SLC8A2: variants seen among roughly 807,000 people sequenced by gnomAD.
SLC8A2 encodes sodium/calcium exchanger 2.
A neutral mutation model predicts 70.2 loss-of-function variants in SLC8A2; 14 were observed. The observed-to-expected ratio is 0.20, with a 90% confidence interval of 0.13 to 0.31. The LOEUF (loss-of-function observed/expected upper bound fraction) is 0.31. SLC8A2 is among the 10% of genes least tolerant of loss of function. The probability of loss-of-function intolerance (pLI) is 1.00; values close to 1 mark genes in which losing one functional copy is unlikely to be tolerated. For synonymous variants in SLC8A2, 575 were observed against 594.3 expected (o/e 0.97, Z 0.47); for missense variants, 779 against 1,320.1 (o/e 0.59, Z 6.35).
chr19:47,457,647 C>A (rs372987382), intron 2 of SLC8A2, 53 bp from the exon 3 acceptor site: 2 of 1,244,938 alleles, frequency 1.6e-6, no homozygotes, highest in East Asian at 5.3e-5. Context: ...TCTCCCTCCC[C>A]GCCTCTCTGT....
intron 3 of SLC8A2, among the ~76,000 whole-genome samples, chr19:47,450,554 T>C (rs1967221790): frequency 6.6e-6 from 1 of 151,934 alleles, no homozygotes; most frequent in South Asian, 2.1e-4. Context: ...CAGGCTCCAG[T>C]TTTCCAGCTC....
intron 3 of SLC8A2, among the ~76,000 whole-genome samples, chr19:47,452,445 A>AGAGAGAGAGAGGGT (rs1568444583): frequency 1.8e-5 from 1 of 54,060 alleles, no homozygotes; most frequent in Non-Finnish European, 3.2e-5. Flanking sequence ...AGAGAGAGAG[A>AGAGAGAGAGAGGGT]GTGTGTGTGT....
intron 2 of SLC8A2, among the ~76,000 whole-genome samples, chr19:47,461,220 C>T (rs548017624): frequency 6.1e-5 from 9 of 147,742 alleles, no homozygotes; most frequent in Admixed American, 2.0e-4. Context: ...ATGACAAGGC[C>T]CCCGAAGGCC....
chr19:47,446,992 T>A lies in SLC8A2; in HGVS notation c.1763+817A>T, dbSNP rs576685250. On this transcript the variant is annotated intron_variant, in intron 4 of 9. Coordinates refer to ENST00000236877, the MANE Select transcript of SLC8A2 (RefSeq NM_015063.3). ...ATCCCAGCCCTCAGGCTCCCCAGTG[T>A]CTCCCCAGGCCCTGCCCTGCCTTCC... is the stretch of plus-strand genomic sequence containing the variant. Among the ~76,000 whole-genome samples the A allele has an allele frequency of 1.3e-4, 20 of 152,018 alleles. No homozygotes were observed. In the East Asian group the frequency reaches 3.7e-3, roughly 28 times the overall value.
At chr19:47,446,932 C>T (rs1353511588) in intron 4 of SLC8A2, among the ~76,000 whole-genome samples, 1 of 152,034 alleles carries the variant, frequency 6.6e-6, no homozygotes, top group Non-Finnish European at 1.5e-5. Flanking sequence ...TGAGTGTATC[C>T]AGCCAGCCCA....
chr19:47,437,731 T>C lies in SLC8A2; in HGVS notation c.2010+118A>G, dbSNP rs1240202077. 3 of 1,312,498 alleles carry C rather than the reference T, an allele frequency of 2.3e-6. No homozygotes were observed. The East Asian group carries it at 6.9e-5, about 30-fold the overall frequency. The allele number at this position is 1,312,498 out of a possible 1,614,324, so 81.3% of individuals were successfully genotyped here. ...GGGAGGCATGTGCTGTCCGTGGTCC[T>C]GACGTGGGACCCTTCTTTGGCTTGA... On this transcript the variant is annotated intron_variant, in intron 7 of 9. Coordinates refer to ENST00000236877, the MANE Select transcript of SLC8A2 (RefSeq NM_015063.3).
intron 2 of SLC8A2, among the ~76,000 whole-genome samples, chr19:47,460,330 C>T (rs1427785291): frequency 6.6e-6 from 1 of 152,220 alleles, no homozygotes; most frequent in Non-Finnish European, 1.5e-5. Context: ...ATTTCCAAGA[C>T]TGAATGAGCA....
chr19:47,454,313 G>C (rs1488137523), intron 3 of SLC8A2, among the ~76,000 whole-genome samples: 2 of 152,182 alleles, frequency 1.3e-5, no homozygotes, highest in Admixed American at 1.3e-4. Flanking sequence ...TGAAAAGATA[G>C]TTGAAAGCAG....
intron 7 of SLC8A2, 106 bp downstream of exon 7, chr19:47,437,743 C>T: frequency 2.1e-6 from 3 of 1,404,010 alleles, no homozygotes. Flanking sequence ...ACGTGGGACC[C>T]TTCTTTGGCT....
Position 47,465,993 on chromosome 19 carries a change from G to A in SLC8A2, c.411C>T (p.Gly137=), listed in dbSNP as rs759756222. The change falls in exon 2 of 10, where the codon GGC becomes GGT. Residue 137 remains glycine (G), a synonymous_variant. Coordinates refer to ENST00000236877, the MANE Select transcript of SLC8A2 (RefSeq NM_015063.3). This position sits in a 1 kb window ranked among gnomAD's most constrained non-coding sequence, Gnocchi z 5.5. ...TVSNLTLMAL[G]SSAPEILLSV... Reference sequence around the variant, plus strand: ...ACAGCAGGATCTCAGGTGCGGAGGAGCCCAGGGCCATGAGCGTGAGGTTGG... The same window carrying A: ...ACAGCAGGATCTCAGGTGCGGAGGAACCCAGGGCCATGAGCGTGAGGTTGG... 12 of 1,614,128 alleles carry A rather than the reference G, an allele frequency of 7.4e-6. No individual in the cohort carries two copies. Among genetic ancestry groups the A allele is most frequent in the Non-Finnish European group, 1.0e-5 (12 of 1,180,010 alleles).
At chr19:47,438,040 C>T in intron 6 of SLC8A2, 67 bp from the exon 7 acceptor site, 1 of 1,589,148 alleles carries the variant, frequency 6.3e-7, no homozygotes, top group Non-Finnish European at 8.6e-7. Context: ...GACGCCTTTA[C>T]TACCTGTCCC....
At chr19:47,439,603 C>G (rs1599846591) in intron 6 of SLC8A2, among the ~76,000 whole-genome samples, 1 of 68,548 alleles carries the variant, frequency 1.5e-5, no homozygotes, top group Non-Finnish European at 2.6e-5. Flanking sequence ...TCTCTTCTCC[C>G]TCCTTCCTTC....
In SLC8A2 at chr19:47,432,534, G is replaced by T; in HGVS notation, c.2111-89C>A. ...ATTTTGTCTAACTTCCTGACAGCAA[G>T]TCCCATTGAATGAACTTCTTTCCCA... On this transcript the variant is annotated intron_variant, in intron 8 of 9. Transcript: ENST00000236877. This position sits in a 1 kb window ranked among gnomAD's most constrained non-coding sequence, Gnocchi z 6.2. 1.5e-6 allele frequency: 2 copies of T among 1,324,586 alleles called. No individual in the cohort carries two copies. The highest frequency in any genetic ancestry group is 2.0e-6 in the Non-Finnish European group (2 of 976,232). 82.1% of individuals were successfully genotyped at this position (1,324,586 alleles called of 1,614,324 possible). A position where few individuals can be genotyped will look rare whatever the true frequency, so the allele number is the denominator to read the frequency against.
Position 47,432,425 on chromosome 19 carries a change from C to T in SLC8A2, c.2131G>A (p.Asp711Asn). ...GGCAGCCGCTCCTCCCGGGACCCGT[C>T]CTCCTCCTCCTCCTCGTCCCCTGTG... Reference protein sequence around the residue: ...VSAGDEEEEEDGSREERLPSC... With the variant: ...VSAGDEEEEENGSREERLPSC... The change falls in exon 9 of 10, where the codon GAC becomes AAC. Residue 711 changes from aspartate (D) to asparagine (N), a missense_variant. Physicochemically the swap from Asp to Asn is conservative, Grantham distance 23. Transcript: ENST00000236877. This position sits in a 1 kb window ranked among gnomAD's most constrained non-coding sequence, Gnocchi z 6.2. 7.3e-7 allele frequency: 1 copy of T among 1,379,164 alleles called. No homozygotes were observed. Among genetic ancestry groups the T allele is most frequent in the Non-Finnish European group, 9.8e-7 (1 of 1,024,250 alleles). 85.4% of individuals were successfully genotyped at this position (1,379,164 alleles called of 1,614,324 possible).
chr19:47,430,398 G>C lies in SLC8A2; in HGVS notation c.2457C>G (p.Thr819=). The change falls in exon 10 of 10, where the codon ACC becomes ACG. Residue 819 remains threonine (T), a synonymous_variant. Transcript: ENST00000236877. This position sits in a 1 kb window ranked among gnomAD's most constrained non-coding sequence, Gnocchi z 5.9. Reference sequence around the variant, plus strand: ...GGAACACGTTCACCGCGTTGGAGCCGGTCACGTTGCCGATGGACGCGTCGG... The same window carrying C: ...GGAACACGTTCACCGCGTTGGAGCCCGTCACGTTGCCGATGGACGCGTCGG... ...QCADASIGNV[T]GSNAVNVFLG... is the part of the protein sequence containing the mutation. 1 of 1,610,210 alleles carries C rather than the reference G, an allele frequency of 6.2e-7. No individual in the cohort carries two copies. The highest frequency in any genetic ancestry group is 8.5e-7 in the Non-Finnish European group (1 of 1,179,008).
rs140677352 is a variant in SLC8A2, at chr19:47,436,208, C to G, written c.2110+1254G>C. ...ATTTGAAGACTCAGCTGGGAAGCCA[C>G]CCCCTCCAGGAAGCCCTCCCTGACT... On this transcript the variant is annotated intron_variant, in intron 8 of 9. Coordinates refer to ENST00000236877, the MANE Select transcript of SLC8A2 (RefSeq NM_015063.3). Among the ~76,000 whole-genome samples, 518 of 152,298 alleles carry G rather than the reference C, an allele frequency of 3.4e-3. 5 individuals are homozygous for G. Among genetic ancestry groups the G allele is most frequent in the African/African-American group, 0.012 (494 of 41,564 alleles).
chr19:47,462,154 G>A (rs143292764), intron 2 of SLC8A2, among the ~76,000 whole-genome samples: 1,538 of 152,250 alleles, frequency 0.01, 20 homozygotes, highest in Middle Eastern at 0.034. Context: ...CCCATATGCC[G>A]TCTCATTTCA....
chr19:47,439,910 C>T (rs1235044351), intron 6 of SLC8A2, among the ~76,000 whole-genome samples: 6 of 152,160 alleles, frequency 3.9e-5, no homozygotes, highest in African/African-American at 1.2e-4. Flanking sequence ...GTGATCCGCC[C>T]GCCTGGGCCT....
chr19:47,448,242 G>T lies in SLC8A2; in HGVS notation c.1341-11C>A, dbSNP rs1363332460. ...ACCAGCGTGCCCTCGCTGCGGCGGG[G>T]TGGGGAGGGGGAAGAGCGGGGTGAG... is the stretch of plus-strand genomic sequence containing the variant. On this transcript the variant is annotated splice_polypyrimidine_tract_variant and intron_variant, in intron 3 of 9. Coordinates refer to ENST00000236877, the MANE Select transcript of SLC8A2 (RefSeq NM_015063.3). This position sits in a 1 kb window ranked among gnomAD's most constrained non-coding sequence, Gnocchi z 4.8. The T allele has an allele frequency of 1.3e-6, 2 of 1,580,828 alleles. No homozygotes were observed. The highest frequency in any genetic ancestry group is 2.3e-5 in the East Asian group (1 of 44,368).
Sources: allele counts gnomAD v4.1 joint callset (sites outside exome capture counted in the v4.1 genomes callset), GRCh38; gene constraint gnomAD v4.1.1; non-coding constraint Gnocchi (gnomAD v3.1); transcripts MANE v1.5; gene names NCBI Gene and HGNC (gene_info 2026-07-23, HGNC 2026-07-21).